The following PABPC1 variants were observed in gnomAD, a reference collection of about 807,000 sequenced individuals.
The protein encoded by PABPC1 is poly(A) binding protein cytoplasmic 1.
PABPC1 carries 4 observed loss-of-function variants against 74.0 expected under a neutral mutation model. The observed-to-expected ratio is 0.05, with a 90% CI of 0.03 to 0.12. The LOEUF is 0.12. Ranked by LOEUF, PABPC1 falls within the 10% of genes least tolerant of loss-of-function variation. The pLI, the probability that PABPC1 is intolerant of heterozygous loss-of-function variation, is 1.00. For missense variants in PABPC1, 271 were observed against 821.1 expected (o/e 0.33, Z 8.19); for synonymous variants, 227 against 264.1 (o/e 0.86, Z 1.36).
At chr8:100,720,008 CAACTT>C (rs1443860996) in intron 1 of PABPC1, among the ~76,000 whole-genome samples, 1 of 152,238 alleles carries the variant, frequency 6.6e-6, no homozygotes, top group East Asian at 1.9e-4. Context: ...AAATCAGTAT[CAACTT>C]TACACAGTGA....
chr8:100,713,206 A>G (rs746961378), intron 4 of PABPC1, 25 bp from the exon 5 acceptor site: 1 of 1,370,802 alleles, frequency 7.3e-7, no homozygotes, highest in South Asian at 1.3e-5. Context: ...TACATAAATC[A>G]AAGATATTCC....
Position 100,712,798 on chromosome 8 carries a change from CAAAAAA to C in PABPC1, c.739-15_739-10del. On this transcript the variant is annotated splice_polypyrimidine_tract_variant and intron_variant, in intron 5 of 14. Coordinates refer to ENST00000318607, the MANE Select transcript of PABPC1 (RefSeq NM_002568.4). Reference sequence around the variant, plus strand: ...TTCATCTCATCCACAGCCTTCCCCCCAAAAAAAAAGAAAAAAAAAAAATCACAAAAC... The same window carrying C: ...TTCATCTCATCCACAGCCTTCCCCCCAAAGAAAAAAAAAAAATCACAAAAC... 1 of 1,454,872 alleles carries C rather than the reference CAAAAAA, an allele frequency of 6.9e-7. No individual in the cohort carries two copies. Among genetic ancestry groups the C allele is most frequent in the Non-Finnish European group, 9.1e-7 (1 of 1,103,040 alleles). The allele number at this position is 1,454,872 out of a possible 1,614,324, so 90.1% of individuals were successfully genotyped here.
intron 1 of PABPC1, 115 bp from the exon 2 acceptor site, chr8:100,718,395 C>T (rs1810726270): frequency 2.5e-6 from 2 of 784,568 alleles, no homozygotes; most frequent in South Asian, 3.8e-5. Flanking sequence ...CAGTTGAACG[C>T]TTCCTCTTTA....
Position 100,715,207 on chromosome 8 carries a change from C to G in PABPC1, c.643+255G>C, listed in dbSNP as rs1810638771. On this transcript the variant is annotated intron_variant, in intron 4 of 14. Coordinates refer to ENST00000318607, the MANE Select transcript of PABPC1 (RefSeq NM_002568.4). ...GTAGTAAAATATTTTAAAATCTGTT[C>G]TAATTACTTAGTCATACCTTACTGT... 3.3e-5 allele frequency among the ~76,000 whole-genome samples: 5 copies of G among 151,616 alleles called. No homozygotes were observed. The South Asian group carries it at 8.3e-4, about 25-fold the overall frequency.
In PABPC1 at chr8:100,721,332, C is replaced by T; in HGVS notation, c.193+59G>A. 1 of 1,043,114 alleles carries T rather than the reference C, an allele frequency of 9.6e-7. No individual in the cohort carries two copies. The highest frequency in any genetic ancestry group is 4.5e-5 in the South Asian group (1 of 22,086). 64.6% of individuals were successfully genotyped at this position (1,043,114 alleles called of 1,614,324 possible). A position where few individuals can be genotyped will look rare whatever the true frequency, so the allele number is the denominator to read the frequency against. On this transcript the variant is annotated intron_variant, in intron 1 of 14. Transcript: ENST00000318607. The surrounding 1 kb of genome is among the most constrained non-coding windows in gnomAD (Gnocchi z 7.4). The stretch of plus-strand genomic sequence containing the variant: ...CCCGCCGGCCTACCCCGCCCGCCGC[C>T]GCCGCCCGAGCCTCATGGCCGCCCG...
At chr8:100,707,100 AGT>A in intron 9 of PABPC1, 103 bp from the exon 10 acceptor site, 3 of 817,092 alleles carry the variant, frequency 3.7e-6, no homozygotes, top group Non-Finnish European at 3.9e-6. Flanking sequence ...AAGACTAAAA[AGT>A]GACAAAACTT....
intron 6 of PABPC1, 22 bp downstream of exon 6, chr8:100,712,630 G>C: frequency 6.3e-7 from 1 of 1,593,674 alleles, no homozygotes; most frequent in African/African-American, 1.4e-5. Flanking sequence ...GTCTTATTTT[G>C]GTTGTTCAAT....
rs117959358 is a variant in PABPC1, at chr8:100,705,906, C to T, written c.1603-233G>A. Among the ~76,000 whole-genome samples, 617 of 152,286 alleles carry T rather than the reference C, an allele frequency of 4.1e-3. 2 individuals are homozygous for T. Among genetic ancestry groups the T allele is most frequent in the Non-Finnish European group, 7.2e-3 (492 of 68,020 alleles). On this transcript the variant is annotated intron_variant, in intron 11 of 14. Coordinates refer to ENST00000318607, the MANE Select transcript of PABPC1 (RefSeq NM_002568.4). ...CTTTGTCGCCCAGGCTGGAATGCAACGGCACAATCTTGGCTCGCTGCAACC... is the reference window on the plus strand; with the variant it reads ...CTTTGTCGCCCAGGCTGGAATGCAATGGCACAATCTTGGCTCGCTGCAACC...
chr8:100,721,027 T>C lies in PABPC1; in HGVS notation c.193+364A>G, dbSNP rs1268573129. On this transcript the variant is annotated intron_variant, in intron 1 of 14. Transcript: ENST00000318607. The surrounding 1 kb of genome is among the most constrained non-coding windows in gnomAD (Gnocchi z 7.4). ...GGGTGGTGGGAGCGCCTCCACCTCT[T>C]ACCCACGGAAGGAGCTCAGCGTTCA... Among the ~76,000 whole-genome samples the C allele has an allele frequency of 2.0e-5, 3 of 151,536 alleles. No individual in the cohort carries two copies. The highest frequency in any genetic ancestry group is 4.4e-5 in the Non-Finnish European group (3 of 67,988).
chr8:100,721,871 G>A lies in PABPC1; in HGVS notation c.-288C>T, dbSNP rs1018056828. 1 of 339,572 alleles carries A rather than the reference G, an allele frequency of 2.9e-6. No homozygotes were observed. The highest frequency in any genetic ancestry group is 5.3e-6 in the Non-Finnish European group (1 of 188,148). 21.0% of individuals were successfully genotyped at this position (339,572 alleles called of 1,614,324 possible). ...TGGAGCTGCTGCGGGGCCGCGGGCG[G>A]GCGGGTCGGTCTCGGCTGCTTCACC... On this transcript the variant is annotated 5_prime_UTR_variant, in exon 1 of 15. Transcript: ENST00000318607. The surrounding 1 kb of genome is among the most constrained non-coding windows in gnomAD (Gnocchi z 7.4).
At chr8:100,707,317 G>C in intron 9 of PABPC1, 1 of 278,448 alleles carries the variant, frequency 3.6e-6, no homozygotes, top group Non-Finnish European at 7.0e-6. Context: ...GCTGGGCACG[G>C]GGGACCACTA....
chr8:100,709,822 A>C (rs1810481237), intron 7 of PABPC1, 91 bp from the exon 8 acceptor site: 7 of 1,288,110 alleles, frequency 5.4e-6, no homozygotes, highest in Middle Eastern at 3.9e-4. Flanking sequence ...AAATCACTGA[A>C]TCAAATAACT....
intron 3 of PABPC1, among the ~76,000 whole-genome samples, chr8:100,716,218 A>C (rs1372077825): frequency 6.6e-6 from 1 of 152,204 alleles, no homozygotes; most frequent in Non-Finnish European, 1.5e-5. Context: ...AGCCTAGCCA[A>C]CATGGTGAAA....
intron 4 of PABPC1, among the ~76,000 whole-genome samples, chr8:100,713,516 A>ATT (rs1322077948): frequency 6.6e-6 from 1 of 152,164 alleles, no homozygotes; most frequent in Non-Finnish European, 1.5e-5. Flanking sequence ...TAGAGACAGT[A>ATT]TATCATTCCA....
intron 1 of PABPC1, among the ~76,000 whole-genome samples, chr8:100,718,821 G>A (rs933281477): frequency 6.6e-6 from 1 of 152,132 alleles, no homozygotes; most frequent in Non-Finnish European, 1.5e-5. Context: ...ATTATTGGGG[G>A]GAGGGAGGGT....
intron 1 of PABPC1, among the ~76,000 whole-genome samples, chr8:100,719,100 T>C (rs765447352): frequency 3.9e-5 from 6 of 152,212 alleles, no homozygotes; most frequent in Non-Finnish European, 8.8e-5. Context: ...ACAATTAATT[T>C]CAGGATCTAT....
rs748758983 is a variant in PABPC1, at chr8:100,709,232, A to C, written c.1246-9T>G. ...GCAGCACGGTTCTGAGTCTGCAGGG[A>C]AAAAAAGCACATGAGTTTATCAGTT... On this transcript the variant is annotated splice_polypyrimidine_tract_variant and intron_variant, in intron 8 of 14. Transcript: ENST00000318607. 1.9e-6 allele frequency: 3 copies of C among 1,584,640 alleles called. No homozygotes were observed. The highest frequency in any genetic ancestry group is 1.7e-6 in the Non-Finnish European group (2 of 1,161,374).
At position 100,712,735 on chromosome 8, in the gene PABPC1, G is replaced by T; in HGVS notation, c.793C>A (p.Arg265=). ...ELNGKQIYVG[R]AQKKVERQTE... ...TGCCGTTCCACCTTTTTCTGAGCTC[G>T]ACCAACATAAATTTGTTTTCCATTG... Residue 265 remains arginine (R), a synonymous_variant, in exon 6 of 15, where the codon CGA becomes AGA. Transcript: ENST00000318607. 1 of 1,610,474 alleles carries T rather than the reference G, an allele frequency of 6.2e-7. No homozygotes were observed. The highest frequency in any genetic ancestry group is 2.2e-5 in the East Asian group (1 of 44,740).
In PABPC1 at chr8:100,721,291, C is replaced by T. The variant is rs1462455367; in HGVS notation, c.193+100G>A. 2 of 455,478 alleles carry T rather than the reference C, an allele frequency of 4.4e-6. No individual in the cohort carries two copies. Among genetic ancestry groups the T allele is most frequent in the Non-Finnish European group, 6.0e-6 (2 of 330,628 alleles). The allele number at this position is 455,478 out of a possible 1,614,324, so 28.2% of individuals were successfully genotyped here. Reference sequence around the variant, plus strand: ...GCCGTCGCGGGGTGACATGCCCTCCCGCCCCCCTCCCCGGGCCCGCCGGCC... The same window carrying T: ...GCCGTCGCGGGGTGACATGCCCTCCTGCCCCCCTCCCCGGGCCCGCCGGCC... On this transcript the variant is annotated intron_variant, in intron 1 of 14. Transcript: ENST00000318607. The surrounding 1 kb of genome is among the most constrained non-coding windows in gnomAD (Gnocchi z 7.4).
Sources: gnomAD v4.1 joint callset for allele counts (sites outside exome capture counted in the v4.1 genomes callset) on GRCh38, gnomAD v4.1.1 for gene constraint, Gnocchi (gnomAD v3.1) non-coding constraint, MANE v1.5 for transcripts, NCBI Gene and HGNC (gene_info 2026-07-23, HGNC 2026-07-21) for gene names.